The following CPQ variants were observed in gnomAD, a reference collection of about 807,000 sequenced individuals.
The protein encoded by CPQ is carboxypeptidase Q, also known as Ser-Met dipeptidase.
Under a neutral mutation model 45.7 loss-of-function variants are expected in CPQ, and 37 were observed. That is an observed-to-expected ratio of 0.81 (90% CI 0.62 to 1.07). The LOEUF (loss-of-function observed/expected upper bound fraction) is 1.07, where lower values mean the gene tolerates loss of function less well. Among genes scored for constraint, CPQ ranks in the 50% least tolerant of loss-of-function variants. CPQ has a pLI of 0.00. For synonymous variants in CPQ, 186 were observed against 205.8 expected (o/e 0.90, Z 0.82); for missense variants, 537 against 572.9 (o/e 0.94, Z 0.64).
intron 3 of CPQ, among the ~76,000 whole-genome samples, chr8:96,860,184 G>A (rs1158856843): frequency 6.6e-6 from 1 of 152,084 alleles, no homozygotes; most frequent in South Asian, 2.1e-4. Flanking sequence ...GGTACATTTA[G>A]TACCTTTACA....
chr8:96,863,602 A>G (rs1031575462), intron 3 of CPQ, among the ~76,000 whole-genome samples: 3 of 152,032 alleles, frequency 2.0e-5, no homozygotes, highest in Non-Finnish European at 4.4e-5. Flanking sequence ...AAGGATTCCT[A>G]GGTTTCTCAT....
At chr8:96,826,491 C>A (rs1177696611) in intron 2 of CPQ, among the ~76,000 whole-genome samples, 1 of 151,972 alleles carries the variant, frequency 6.6e-6, no homozygotes, top group Non-Finnish European at 1.5e-5. Flanking sequence ...ATACATATAT[C>A]TGCCGATTAG....
chr8:96,697,535 A>G (rs1335692116), intron 1 of CPQ, among the ~76,000 whole-genome samples: 1 of 152,152 alleles, frequency 6.6e-6, no homozygotes, highest in Non-Finnish European at 1.5e-5. Flanking sequence ...GAAAGAAATA[A>G]AGGGCATCCA....
chr8:96,796,515 C>A (rs1810931639), intron 2 of CPQ, among the ~76,000 whole-genome samples: 1 of 152,084 alleles, frequency 6.6e-6, no homozygotes, highest in African/African-American at 2.4e-5. Context: ...ATATTTCTTT[C>A]TGTATTTTGA....
intron 7 of CPQ, among the ~76,000 whole-genome samples, chr8:97,100,145 G>A (rs112218182): frequency 5.6e-4 from 86 of 152,338 alleles, no homozygotes; most frequent in Middle Eastern, 3.4e-3. Flanking sequence ...TAAGTTCCAC[G>A]AGAGGCAGCC....
intron 6 of CPQ, among the ~76,000 whole-genome samples, chr8:97,043,973 C>T (rs1810183500): frequency 6.6e-6 from 1 of 152,166 alleles, no homozygotes; most frequent in Non-Finnish European, 1.5e-5. Flanking sequence ...TGGAGTTGCT[C>T]TTCTCAAGGA....
chr8:96,887,027 T>C (rs1045940419), intron 4 of CPQ, among the ~76,000 whole-genome samples: 3 of 152,104 alleles, frequency 2.0e-5, no homozygotes, highest in Non-Finnish European at 4.4e-5. Flanking sequence ...TCTTTTTAGC[T>C]CCTTGTCACT....
At chr8:96,707,903 G>A (rs1234395364) in intron 1 of CPQ, among the ~76,000 whole-genome samples, 1 of 152,040 alleles carries the variant, frequency 6.6e-6, no homozygotes, top group East Asian at 1.9e-4. Flanking sequence ...CATATTTAAA[G>A]GCAGCAATGA....
intron 4 of CPQ, among the ~76,000 whole-genome samples, chr8:96,956,436 T>A (rs1019900060): frequency 6.6e-6 from 1 of 152,194 alleles, no homozygotes; most frequent in African/African-American, 2.4e-5. Context: ...CATTTTGGCT[T>A]ATTAGTGGCC....
chr8:96,992,080 T>C (rs1809103661), intron 5 of CPQ, among the ~76,000 whole-genome samples: 1 of 152,246 alleles, frequency 6.6e-6, no homozygotes, highest in African/African-American at 2.4e-5. Context: ...GCAGCAATCA[T>C]CAACAGCAAG....
intron 1 of CPQ, among the ~76,000 whole-genome samples, chr8:96,775,120 C>T (rs1339660238): frequency 6.6e-6 from 1 of 152,094 alleles, no homozygotes; most frequent in Non-Finnish European, 1.5e-5. Context: ...TTGGGTAGAA[C>T]TGGGTCACGA....
intron 1 of CPQ, among the ~76,000 whole-genome samples, chr8:96,672,460 G>A (rs1428173558): frequency 6.6e-6 from 1 of 152,156 alleles, no homozygotes; most frequent in African/African-American, 2.4e-5. Context: ...AGCATGCTTG[G>A]AGGTGGCATA....
rs139371617 is a variant in CPQ at position 96,893,286 on chromosome 8, A to G, written c.849+13281A>G. ...GAAAAAGAAAACCAGGACAACCATCAGCATCAACAGCAACTAATGCTTGTT... is the reference window on the plus strand; with the variant it reads ...GAAAAAGAAAACCAGGACAACCATCGGCATCAACAGCAACTAATGCTTGTT... On this transcript the variant is annotated intron_variant, in intron 4 of 7. Transcript: ENST00000220763. 4.0e-3 allele frequency among the ~76,000 whole-genome samples: 609 copies of G among 152,338 alleles called. 3 individuals are homozygous for G. The highest frequency in any genetic ancestry group is 0.014 in the African/African-American group (573 of 41,576).
intron 3 of CPQ, among the ~76,000 whole-genome samples, chr8:96,846,008 G>T (rs1028114965): frequency 8.6e-5 from 13 of 152,046 alleles, no homozygotes; most frequent in Non-Finnish European, 1.6e-4. Context: ...AGTAGAGATA[G>T]GGTTTCTCCA....
intron 5 of CPQ, among the ~76,000 whole-genome samples, chr8:96,998,808 A>G (rs1390458337): frequency 2.0e-5 from 3 of 151,994 alleles, no homozygotes; most frequent in African/African-American, 7.2e-5. Context: ...CTTCTCATGC[A>G]GTCATTGTAC....
At chr8:96,922,919 A>G (rs1258485918) in intron 4 of CPQ, among the ~76,000 whole-genome samples, 2 of 143,868 alleles carry the variant, frequency 1.4e-5, no homozygotes, top group South Asian at 2.1e-4. Flanking sequence ...TGTCCATACC[A>G]GTGTCAGAAT....
At chr8:96,891,147 G>C (rs1164671976) in intron 4 of CPQ, among the ~76,000 whole-genome samples, 3 of 152,208 alleles carry the variant, frequency 2.0e-5, no homozygotes, top group African/African-American at 7.2e-5. Flanking sequence ...TAGCCATAGA[G>C]TGAGTGTCTT....
At chr8:96,758,220 G>A (rs182134232) in intron 1 of CPQ, among the ~76,000 whole-genome samples, 14 of 152,270 alleles carry the variant, frequency 9.2e-5, no homozygotes, top group African/African-American at 3.1e-4. Context: ...GGGAAGACTG[G>A]TTTGTGTAGG....
chr8:96,654,876 T>G (rs1815620586), intron 1 of CPQ, among the ~76,000 whole-genome samples: 1 of 152,026 alleles, frequency 6.6e-6, no homozygotes, highest in Non-Finnish European at 1.5e-5. Context: ...AGCCTATGCC[T>G]TCCTACCTTA....
Sources: allele counts gnomAD v4.1 joint callset (sites outside exome capture counted in the v4.1 genomes callset), GRCh38; gene constraint gnomAD v4.1.1; transcripts MANE v1.5; gene names NCBI Gene and HGNC (gene_info 2026-07-23, HGNC 2026-07-21).